Variants in ST18 observed in about 807,000 individuals in gnomAD.
ST18 encodes the protein ST18 C2H2C-type zinc finger transcription factor, also known as suppression of tumorigenicity 18 protein.
A neutral mutation model predicts 110.0 loss-of-function variants in ST18; 50 were observed. That is an observed-to-expected ratio of 0.45 (90% CI 0.36 to 0.58). ST18 has a LOEUF of 0.58. ST18 is among the 20% of genes least tolerant of loss of function. ST18 has a pLI of 0.00. For missense variants in ST18, 1,306 were observed against 1,280.1 expected (o/e 1.02, Z -0.31); for synonymous variants, 461 against 452.4 (o/e 1.02, Z -0.24).
At chr8:52,150,055 C>A in intron 15 of ST18, 78 bp from the exon 16 acceptor site, 1 of 1,506,522 alleles carries the variant, frequency 6.6e-7, no homozygotes, top group Non-Finnish European at 8.9e-7. Flanking sequence ...TTTAAGGGAT[C>A]ATTTTAAATG....
chr8:52,380,911 T>C (rs6473724), intron 2 of ST18, among the ~76,000 whole-genome samples: 150,057 of 152,238 alleles, frequency 0.99, 73,988 homozygotes, highest in Middle Eastern at 1. Flanking sequence ...GCAGGCTGTG[T>C]CCCAGGGGTG....
At chr8:52,237,335 A>G (rs1327460087) in intron 2 of ST18, among the ~76,000 whole-genome samples, 1 of 152,224 alleles carries the variant, frequency 6.6e-6, no homozygotes, top group Admixed American at 6.5e-5. Flanking sequence ...TTAAGCATTC[A>G]TTAAAAAATA....
intron 3 of ST18, among the ~76,000 whole-genome samples, chr8:52,228,823 G>C (rs1162588586): frequency 1.3e-5 from 2 of 152,056 alleles, no homozygotes; most frequent in Non-Finnish European, 2.9e-5. Flanking sequence ...TTCTTTGACT[G>C]TCAGGTCTCT....
chr8:52,312,051 C>T (rs955635145), intron 2 of ST18, among the ~76,000 whole-genome samples: 1 of 152,130 alleles, frequency 6.6e-6, no homozygotes, highest in Non-Finnish European at 1.5e-5. Context: ...CTCATAAGAC[C>T]TCACGAGATA....
Position 52,178,543 on chromosome 8 carries a change from G to T in ST18, c.277+1579C>A, listed in dbSNP as rs1220038457. On this transcript the variant is annotated intron_variant, in intron 9 of 25. Transcript: ENST00000689386. ...GAGGCAGGAGAATTGCTTGAACCTG[G>T]GAGGTGGAGGTTGCAGTGAGCTGAG... is the stretch of plus-strand genomic sequence containing the variant. 2.0e-5 allele frequency among the ~76,000 whole-genome samples: 3 copies of T among 147,454 alleles called. No individual in the cohort carries two copies. In the Admixed American group the frequency reaches 2.1e-4, roughly 10 times the overall value.
At chr8:52,386,908 T>A (rs1413464660) in intron 2 of ST18, among the ~76,000 whole-genome samples, 2 of 152,184 alleles carry the variant, frequency 1.3e-5, no homozygotes, top group Non-Finnish European at 2.9e-5. Context: ...CAGAGATAAA[T>A]GCTCTAATAA....
At chr8:52,246,858 A>G (rs1306771749) in intron 2 of ST18, among the ~76,000 whole-genome samples, 1 of 152,194 alleles carries the variant, frequency 6.6e-6, no homozygotes, top group Non-Finnish European at 1.5e-5. Flanking sequence ...GGCAACATTT[A>G]TCTCCCATCA....
intron 2 of ST18, among the ~76,000 whole-genome samples, chr8:52,396,061 ATAT>A (rs1395555392): frequency 6.6e-6 from 1 of 152,166 alleles, no homozygotes; most frequent in Non-Finnish European, 1.5e-5. Context: ...TTACAACGTG[ATAT>A]TATAGGAAAC....
chr8:52,139,592 G>A (rs1183503189), intron 17 of ST18, among the ~76,000 whole-genome samples: 1 of 152,110 alleles, frequency 6.6e-6, no homozygotes, highest in Non-Finnish European at 1.5e-5. Flanking sequence ...CTGACCTCAG[G>A]TGATCTGCCT....
chr8:52,214,493 G>T (rs2083406425), intron 6 of ST18, among the ~76,000 whole-genome samples: 2 of 152,142 alleles, frequency 1.3e-5, no homozygotes, highest in African/African-American at 4.8e-5. Flanking sequence ...AGATGTCCTT[G>T]TCCACAAGTG....
intron 17 of ST18, among the ~76,000 whole-genome samples, chr8:52,141,705 C>T (rs1052335593): frequency 1.8e-4 from 28 of 152,258 alleles, no homozygotes; most frequent in Middle Eastern, 3.4e-3. Flanking sequence ...GCCTTGGGGA[C>T]AGCATTCTGG....
At chr8:52,359,769 G>A (rs2140428565) in intron 2 of ST18, among the ~76,000 whole-genome samples, 1 of 152,188 alleles carries the variant, frequency 6.6e-6, no homozygotes, top group African/African-American at 2.4e-5. Context: ...AAATAAAGCA[G>A]GGTATTGGAG....
intron 2 of ST18, among the ~76,000 whole-genome samples, chr8:52,331,084 C>T (rs1564512618): frequency 6.6e-6 from 1 of 152,098 alleles, no homozygotes; most frequent in African/African-American, 2.4e-5. Context: ...CAACTGCTTC[C>T]TGCAATTAAC....
intron 10 of ST18, among the ~76,000 whole-genome samples, chr8:52,171,200 G>A (rs899485747): frequency 2.6e-5 from 4 of 152,314 alleles, no homozygotes; most frequent in African/African-American, 9.6e-5. Flanking sequence ...CAGGGGGAAT[G>A]CTCCAGGGAA....
intron 11 of ST18, among the ~76,000 whole-genome samples, chr8:52,166,514 A>G (rs2063038997): frequency 6.6e-6 from 1 of 152,094 alleles, no homozygotes; most frequent in South Asian, 2.1e-4. Context: ...AGAAACCACC[A>G]TAAAGACTCT....
intron 6 of ST18, among the ~76,000 whole-genome samples, chr8:52,217,316 C>T (rs1195682707): frequency 2.0e-5 from 3 of 151,974 alleles, no homozygotes; most frequent in African/African-American, 4.8e-5. Context: ...ATGTACTTCT[C>T]GATAGGAGTA....
intron 8 of ST18, among the ~76,000 whole-genome samples, chr8:52,187,563 C>T (rs2072818395): frequency 6.6e-6 from 1 of 152,122 alleles, no homozygotes; most frequent in South Asian, 2.1e-4. Context: ...AATTGTTGAA[C>T]TTTATTTGGT....
At chr8:52,115,787 AT>A (rs541704477) in intron 25 of ST18, among the ~76,000 whole-genome samples, 8 of 149,718 alleles carry the variant, frequency 5.3e-5, no homozygotes, top group African/African-American at 9.8e-5. Context: ...TTCCTTGTTC[AT>A]TTTTTTTTGC....
At chr8:52,225,254 C>T (rs2088870358) in intron 3 of ST18, among the ~76,000 whole-genome samples, 1 of 152,106 alleles carries the variant, frequency 6.6e-6, no homozygotes, top group Non-Finnish European at 1.5e-5. Flanking sequence ...ACAAAATAGC[C>T]CTCAAAGATA....
Sources: gnomAD v4.1 joint callset for allele counts (sites outside exome capture counted in the v4.1 genomes callset) on GRCh38, gnomAD v4.1.1 for gene constraint, MANE v1.5 for transcripts, NCBI Gene and HGNC (gene_info 2026-07-23, HGNC 2026-07-21) for gene names.